DNAAF9: variants seen among roughly 807,000 people sequenced by gnomAD.
The protein encoded by DNAAF9 is dynein axonemal assembly factor 9, also known as shulin.
A neutral mutation model predicts 167.0 loss-of-function variants in DNAAF9; 90 were observed. The ratio of observed to expected loss-of-function variants is 0.54; its 90% CI spans 0.45 to 0.64. The LOEUF is 0.64. DNAAF9 is among the 30% of genes least tolerant of loss of function. The pLI is 0.00. For synonymous variants in DNAAF9, 491 were observed against 508.8 expected (o/e 0.96, Z 0.47); for missense variants, 1,315 against 1,442.2 (o/e 0.91, Z 1.43).
chr20:3,399,026 T>A (rs774093149), intron 1 of DNAAF9, among the ~76,000 whole-genome samples: 1 of 152,326 alleles, frequency 6.6e-6, no homozygotes, highest in East Asian at 1.9e-4. Flanking sequence ...ACATATGATA[T>A]GCCTTGATAT....
intron 6 of DNAAF9, among the ~76,000 whole-genome samples, chr20:3,364,602 A>G (rs568715724): frequency 1.3e-5 from 2 of 152,386 alleles, no homozygotes; most frequent in South Asian, 4.1e-4. Context: ...CAATAAAGCA[A>G]GTCACACAAA....
chr20:3,330,993 T>C (rs2123077459), intron 11 of DNAAF9, among the ~76,000 whole-genome samples: 1 of 152,244 alleles, frequency 6.6e-6, no homozygotes, highest in East Asian at 1.9e-4. Context: ...GGTTTTGCCA[T>C]GTTGGCCAGG....
intron 8 of DNAAF9, among the ~76,000 whole-genome samples, chr20:3,344,546 T>C (rs2070152499): frequency 6.6e-6 from 1 of 151,988 alleles, no homozygotes; most frequent in Non-Finnish European, 1.5e-5. Context: ...TGGAAATTTA[T>C]ATTGTTATTA....
At chr20:3,259,578 T>C in intron 32 of DNAAF9, 24 bp from the exon 33 acceptor site, 1 of 1,562,980 alleles carries the variant, frequency 6.4e-7, no homozygotes, top group Non-Finnish European at 8.8e-7. Flanking sequence ...AGGACAGCGC[T>C]GTCACCCACA....
chr20:3,285,971 C>A (rs563147121), intron 27 of DNAAF9, among the ~76,000 whole-genome samples: 2 of 150,184 alleles, frequency 1.3e-5, no homozygotes, highest in African/African-American at 4.9e-5. Context: ...CAGAGCAAGA[C>A]TCCGTTTCAA....
In DNAAF9 at chr20:3,269,946, A is replaced by AG. The variant is rs2068562794; in HGVS notation, c.2786+480dup. On this transcript the variant is annotated intron_variant, in intron 30 of 36. Transcript: ENST00000252032. The stretch of plus-strand genomic sequence containing the variant: ...GCACTCCAGCCTGGACGACAGAGGG[A>AG]GACTCCGTCTCAAAAAAAAAAAAAA... 4.0e-5 allele frequency among the ~76,000 whole-genome samples: 6 copies of AG among 150,488 alleles called. No individual in the cohort carries two copies. The South Asian group carries it at 1.3e-3, about 32-fold the overall frequency.
At chr20:3,386,409 A>G (rs747345798) in intron 1 of DNAAF9, among the ~76,000 whole-genome samples, 22 of 152,250 alleles carry the variant, frequency 1.4e-4, no homozygotes, top group Non-Finnish European at 4.4e-5. Context: ...AAGTAGGGCT[A>G]GAATAACTGG....
At chr20:3,258,591 A>T (rs1448001475) in intron 33 of DNAAF9, among the ~76,000 whole-genome samples, 1 of 152,130 alleles carries the variant, frequency 6.6e-6, no homozygotes, top group Non-Finnish European at 1.5e-5. Context: ...CATTGGCTGG[A>T]TGCAGTGTCT....
chr20:3,326,608 G>T (rs1449961224), intron 12 of DNAAF9, among the ~76,000 whole-genome samples: 1 of 151,944 alleles, frequency 6.6e-6, no homozygotes, highest in African/African-American at 2.4e-5. Flanking sequence ...ATCCAGAAAT[G>T]GTGGTGTGTG....
chr20:3,344,620 C>T (rs1340071613), intron 8 of DNAAF9, among the ~76,000 whole-genome samples: 59 of 148,754 alleles, frequency 4.0e-4, no homozygotes, highest in East Asian at 5.8e-4. Context: ...CACACACACA[C>T]ACACACACAC....
At chr20:3,342,405 CT>C (rs1029454515) in intron 9 of DNAAF9, among the ~76,000 whole-genome samples, 3 of 152,120 alleles carry the variant, frequency 2.0e-5, no homozygotes. Flanking sequence ...TGATTAATGT[CT>C]TTTTCTCCAC....
chr20:3,335,915 G>A (rs1204959027), intron 10 of DNAAF9, among the ~76,000 whole-genome samples: 2 of 151,804 alleles, frequency 1.3e-5, no homozygotes, highest in Non-Finnish European at 2.9e-5. Flanking sequence ...TTGAGGTCAG[G>A]AGTTCAAGAC....
intron 29 of DNAAF9, among the ~76,000 whole-genome samples, chr20:3,273,966 A>G (rs2068636028): frequency 6.6e-6 from 1 of 151,836 alleles, no homozygotes; most frequent in South Asian, 2.1e-4. Context: ...TACTCCCTTT[A>G]CTTTTTAATT....
In DNAAF9 at chr20:3,318,388, C is replaced by T. The variant is rs774119793; in HGVS notation, c.1369G>A (p.Val457Ile). ...CCCAGTAAGTCAGGAATGTCATAGA[C>T]GGCCATACAAGCCTGCATTGAATGA... ...LSFVKTACMAVYDIPDLLGGN... is the reference protein window; with the variant it reads ...LSFVKTACMAIYDIPDLLGGN... The change falls in exon 17 of 37, where the codon GTC becomes ATC. Residue 457 changes from valine (V) to isoleucine (I), a missense_variant. Val to Ile is a conservative substitution (Grantham distance 29). Coordinates refer to ENST00000252032, the MANE Select transcript of DNAAF9 (RefSeq NM_001009984.3). 7.3e-5 allele frequency: 116 copies of T among 1,579,582 alleles called. No individual in the cohort carries two copies. The highest frequency in any genetic ancestry group is 3.3e-4 in the Admixed American group (20 of 59,796).
chr20:3,321,930 G>C (rs888242933), intron 16 of DNAAF9, among the ~76,000 whole-genome samples: 6 of 152,148 alleles, frequency 3.9e-5, no homozygotes, highest in Non-Finnish European at 1.5e-5. Context: ...CCTGTAGGAA[G>C]GCTTCATAAC....
rs1193720738 is a variant in DNAAF9 at position 3,249,588 on chromosome 20, T to C, written c.*2984A>G. Reference sequence around the variant, plus strand: ...TGAAAAACTAGTATAAAAGTGAATTTTGGCACGTAAGTGAGCTCTTATGTC... The same window carrying C: ...TGAAAAACTAGTATAAAAGTGAATTCTGGCACGTAAGTGAGCTCTTATGTC... On this transcript the variant is annotated 3_prime_UTR_variant, in exon 37 of 37. Transcript: ENST00000252032. 6.6e-6 allele frequency: 1 copy of C among 152,306 alleles called. No individual in the cohort carries two copies. Among genetic ancestry groups the C allele is most frequent in the East Asian group, 1.9e-4 (1 of 5,182 alleles). The allele number at this position is 152,306 out of a possible 1,614,324, so 9.4% of individuals were successfully genotyped here. A position where few individuals can be genotyped will look rare whatever the true frequency, so the allele number is the denominator to read the frequency against.
At position 3,359,564 on chromosome 20, in the gene DNAAF9, A is replaced by G. The variant is rs1408600120; in HGVS notation, c.642T>C (p.Asn214=). Residue 214 remains asparagine (N), a synonymous_variant, in exon 7 of 37, where the codon AAT becomes AAC. Transcript: ENST00000252032. ...ELQDVSLNLW[N]VYSKMDPMSL... is the part of the protein sequence containing the mutation. ...ACATAGGATCCATCTTGCTGTAGAC[A>G]TTCCATAGATTCAAACTCACATCCT... 1 of 1,612,848 alleles carries G rather than the reference A, an allele frequency of 6.2e-7. No individual in the cohort carries two copies. Among genetic ancestry groups the G allele is most frequent in the Non-Finnish European group, 8.5e-7 (1 of 1,179,560 alleles).
At chr20:3,317,676 A>G (rs2069529075) in intron 17 of DNAAF9, among the ~76,000 whole-genome samples, 1 of 152,054 alleles carries the variant, frequency 6.6e-6, no homozygotes, top group Admixed American at 6.6e-5. Flanking sequence ...AGCTCAATGC[A>G]ACCTCCGCCT....
intron 3 of DNAAF9, among the ~76,000 whole-genome samples, chr20:3,379,941 C>T (rs2083625234): frequency 6.6e-6 from 1 of 152,108 alleles, no homozygotes; most frequent in African/African-American, 2.4e-5. Context: ...GCCTGTAATC[C>T]CGGCTACTCG....
Sources: allele counts gnomAD v4.1 joint callset (sites outside exome capture counted in the v4.1 genomes callset), GRCh38; gene constraint gnomAD v4.1.1; transcripts MANE v1.5; gene names NCBI Gene and HGNC (gene_info 2026-07-23, HGNC 2026-07-21).